NONO: variants seen among roughly 807,000 people sequenced by gnomAD.
The protein encoded by NONO is non-POU domain-containing octamer-binding protein.
NONO carries 6 observed loss-of-function variants against 40.2 expected under a neutral mutation model. That is an observed-to-expected ratio of 0.15 (90% confidence interval 0.08 to 0.29). NONO has a LOEUF of 0.29. NONO is among the 10% of genes least tolerant of loss of function. The pLI is 1.00. For synonymous variants in NONO, 89 were observed against 123.3 expected (o/e 0.72, Z 1.85); for missense variants, 133 against 397.8 (o/e 0.33, Z 5.66).
rs777692121 is a variant in NONO at position 71,290,781 on chromosome X, C to G, written c.144C>G (p.Ala48=). ...CAATACCTGCAAATGGGCAACAGGCCAGCAGCCAAAGTGTGTATATGCTAG... is the reference window on the plus strand; with the variant it reads ...CAATACCTGCAAATGGGCAACAGGCGAGCAGCCAAAGTGTGTATATGCTAG... ...PPPIPANGQQ[A]SSQNEGLTID... is the part of the protein sequence containing the mutation. The change falls in exon 3 of 12, where the codon GCC becomes GCG. Residue 48 remains alanine, a synonymous_variant. Coordinates refer to ENST00000276079, the MANE Select transcript of NONO (RefSeq NM_007363.5). 8.5e-7 allele frequency: 1 copy of G among 1,171,128 alleles called. No individual in the cohort carries two copies. The highest frequency in any genetic ancestry group is 1.8e-5 in the African/African-American group (1 of 56,314).
At chrX:71,296,145 C>CTTTTTTTTTTTTTTTTTT (rs757644657) in intron 5 of NONO, among the ~76,000 whole-genome samples, 3 of 93,939 alleles carry the variant, frequency 3.2e-5, no homozygotes, top group Admixed American at 1.2e-4. Context: ...TTTTTCTTTT[C>CTTTTTTTTTTTTTTTTTT]TTTTTTTTTT....
chrX:71,299,878 A>ATAGCCTC, intron 11 of NONO, 64 bp from the exon 12 acceptor site: 1 of 1,183,113 alleles, frequency 8.5e-7, no homozygotes, highest in Non-Finnish European at 1.1e-6. Context: ...TGGAGGGACT[A>ATAGCCTC]CAGATGGGTG....
chrX:71,293,017 A>G (rs1476366792), intron 4 of NONO: 1 of 112,575 alleles, frequency 8.9e-6, no homozygotes, highest in African/African-American at 3.2e-5. Context: ...ACCGTTTGTA[A>G]GTGTAGACAT....
chrX:71,288,068 A>T (rs1223987418), intron 2 of NONO, among the ~76,000 whole-genome samples: 1 of 84,644 alleles, frequency 1.2e-5, no homozygotes, highest in African/African-American at 4.4e-5. Flanking sequence ...TTTTCTTTTT[A>T]ATCTTATGTT....
chrX:71,294,512 T>C lies in NONO; in HGVS notation c.634T>C (p.Ser212Pro). The change falls in exon 5 of 12, where the codon TCC (serine) becomes CCC (proline). Residue 212 changes from serine to proline, a missense_variant. Ser to Pro is a moderately conservative substitution (Grantham distance 74). Coordinates refer to ENST00000276079, the MANE Select transcript of NONO (RefSeq NM_007363.5). ...RKALDRCSEG[S>P]FLLTTFPRPV... ...AGCTCTGGACAGATGCAGTGAAGGCTCCTTCCTGCTAACCACGTAAGTGAG... is the reference window on the plus strand; with the variant it reads ...AGCTCTGGACAGATGCAGTGAAGGCCCCTTCCTGCTAACCACGTAAGTGAG... 8.3e-7 allele frequency: 1 copy of C among 1,207,021 alleles called. No homozygotes were observed.
At position 71,296,465 on chromosome X, in the gene NONO, A is replaced by G. The variant is rs1026194063; in HGVS notation, c.651-100A>G. Reference sequence around the variant, plus strand: ...GGTATAAAAACTTCAGAAGCCTCCAATCCTGAGCCCTAGCTAATTCATTGT... The same window carrying G: ...GGTATAAAAACTTCAGAAGCCTCCAGTCCTGAGCCCTAGCTAATTCATTGT... On this transcript the variant is annotated intron_variant, in intron 5 of 11. Coordinates refer to ENST00000276079, the MANE Select transcript of NONO (RefSeq NM_007363.5). The G allele has an allele frequency of 2.3e-5, 14 of 602,142 alleles. 1 individual carries two copies. The South Asian group carries it at 2.5e-4, about 11-fold the overall frequency. The allele number at this position is 602,142 out of a possible 1,213,427, so 49.6% of individuals were successfully genotyped here. A position where few individuals can be genotyped will look rare whatever the true frequency, so the allele number is the denominator to read the frequency against.
chrX:71,297,813 A>C (rs1311235334), intron 8 of NONO, 23 bp from the exon 9 acceptor site: 2 of 1,149,629 alleles, frequency 1.7e-6, no homozygotes, highest in African/African-American at 1.8e-5. Context: ...CTCTGTCTTA[A>C]ATACATTGGT....
In NONO at chrX:71,300,008, ACTC is replaced by A. The variant is rs750698538; in HGVS notation, c.1354_1356del (p.Pro452del). 47 of 1,208,838 alleles carry A rather than the reference ACTC, an allele frequency of 3.9e-5. No homozygotes were observed. Among genetic ancestry groups the A allele is most frequent in the Admixed American group, 1.5e-4 (7 of 45,566 alleles). ...GGAAGGAATTGGGGCAATTGGTGGA[ACTC>A]CTCCTGCATTCAACCGTGCAGCTCC... On this transcript the variant is annotated inframe_deletion, in exon 12 of 12. Coordinates refer to ENST00000276079, the MANE Select transcript of NONO (RefSeq NM_007363.5).
chrX:71,285,423 T>G lies in NONO; in HGVS notation c.-10+970T>G, dbSNP rs141222239. Among the ~76,000 whole-genome samples, 1,110 of 112,215 alleles carry G rather than the reference T, an allele frequency of 9.9e-3. 10 individuals are homozygous for G. Among genetic ancestry groups the G allele is most frequent in the African/African-American group, 0.033 (1,027 of 30,871 alleles). ...TCATGGCGTTTAAAATCCTTACAAC[T>G]TTTTGAGAAAACGACGTTGCACTAT... is the stretch of plus-strand genomic sequence containing the variant. On this transcript the variant is annotated intron_variant, in intron 2 of 11. Coordinates refer to ENST00000276079, the MANE Select transcript of NONO (RefSeq NM_007363.5).
At chrX:71,289,970 T>C (rs2031287645) in intron 2 of NONO, among the ~76,000 whole-genome samples, 1 of 111,423 alleles carries the variant, frequency 9.0e-6, no homozygotes, top group Admixed American at 9.6e-5. Context: ...GGTTTCACCA[T>C]GTTGGCCAGG....
chrX:71,294,056 C>T, intron 4 of NONO, 171 bp from the exon 5 acceptor site: 1 of 474,652 alleles, frequency 2.1e-6, no homozygotes, highest in Non-Finnish European at 3.5e-6. Context: ...CAGAAGCAAA[C>T]TAGGGTGGCC....
intron 2 of NONO, among the ~76,000 whole-genome samples, chrX:71,287,682 A>G (rs1360058717): frequency 9.3e-6 from 1 of 107,376 alleles, no homozygotes; most frequent in Non-Finnish European, 1.9e-5. Flanking sequence ...CACCCAGCCT[A>G]TTTTTTTCTC....
At chrX:71,283,794 G>A (rs1165612583) in intron 1 of NONO, 73 bp downstream of exon 1, 1 of 111,574 alleles carries the variant, frequency 9.0e-6, no homozygotes, top group Non-Finnish European at 1.9e-5. Flanking sequence ...CGAAGGAAGA[G>A]GCTAGGGCGA....
rs775193876 is a variant in NONO, at chrX:71,293,996, C to T, written c.349-231C>T. ...ATAATACCTATGAAATTGATGATCA[C>T]CTAAGTGTTATTGACTTCTAGAACT... On this transcript the variant is annotated intron_variant, in intron 4 of 11. Transcript: ENST00000276079. The T allele has an allele frequency of 5.3e-4, 219 of 410,953 alleles. 1 individual carries two copies. Among genetic ancestry groups the T allele is most frequent in the African/African-American group, 5.0e-3 (202 of 40,262 alleles). The allele number at this position is 410,953 out of a possible 1,213,427, so 33.9% of individuals were successfully genotyped here.
At chrX:71,291,119 T>A (rs753810959) in intron 3 of NONO, among the ~76,000 whole-genome samples, 48 of 112,399 alleles carry the variant, frequency 4.3e-4, no homozygotes, top group Non-Finnish European at 8.3e-4. Flanking sequence ...GAAAAGTCTT[T>A]AAGGCTTAAA....
chrX:71,292,166 C>A, intron 4 of NONO, 194 bp downstream of exon 4: 1 of 338,466 alleles, frequency 3.0e-6, no homozygotes, highest in Non-Finnish European at 5.0e-6. Flanking sequence ...AAGTTTTTTG[C>A]CTAGGATACT....
intron 9 of NONO, 103 bp from the exon 10 acceptor site, chrX:71,298,366 A>G (rs1386773818): frequency 1.2e-5 from 8 of 694,147 alleles, no homozygotes; most frequent in African/African-American, 2.1e-5. Flanking sequence ...TGCTGTTTGG[A>G]CGTGTTATCA....
At chrX:71,285,347 T>C (rs766287497) in intron 2 of NONO, among the ~76,000 whole-genome samples, 55 of 112,349 alleles carry the variant, frequency 4.9e-4, no homozygotes, top group African/African-American at 1.7e-3. Flanking sequence ...TTTCTTTTTT[T>C]GTTGTTTTTT....
At chrX:71,296,487 T>C (rs924095597) in intron 5 of NONO, 78 bp from the exon 6 acceptor site, 1 of 650,159 alleles carries the variant, frequency 1.5e-6, no homozygotes, top group Admixed American at 3.7e-5. Flanking sequence ...AGCTAATTCA[T>C]TGTGCCAGTG....
Sources: allele counts gnomAD v4.1 joint callset (sites outside exome capture counted in the v4.1 genomes callset), GRCh38; gene constraint gnomAD v4.1.1; transcripts MANE v1.5; gene names NCBI Gene and HGNC (gene_info 2026-07-23, HGNC 2026-07-21).